Variants in TRAK1 observed in about 807,000 individuals in gnomAD.
The protein encoded by TRAK1 is trafficking kinesin protein 1.
A neutral mutation model predicts 92.1 loss-of-function variants in TRAK1; 33 were observed. The observed-to-expected ratio is 0.36, with a 90% CI of 0.27 to 0.48. The LOEUF is 0.48. TRAK1 is among the 20% of genes least tolerant of loss of function. The pLI is 0.99. For synonymous variants in TRAK1, 521 were observed against 517.3 expected, an observed-to-expected ratio of 1.01 and a Z score of -0.10; for missense variants, 1,123 against 1,257.9, an observed-to-expected ratio of 0.89 and a Z score of 1.62.
intron 1 of TRAK1, among the ~76,000 whole-genome samples, chr3:42,029,139 G>A (rs905980465): frequency 6.6e-6 from 1 of 152,104 alleles, no homozygotes; most frequent in Non-Finnish European, 1.5e-5. Flanking sequence ...CAAGGGGGAT[G>A]GTGTTAAACC....
rs397989334 is a variant in TRAK1, at chr3:42,219,786, G to GTTTT, written c.2066+214_2066+217dup. On this transcript the variant is annotated intron_variant, in intron 15 of 15. Transcript: ENST00000327628. The stretch of plus-strand genomic sequence containing the variant: ...ATCCTTCCTTTTGTTGTTGTTATGT[G>GTTTT]TTTTTTTTTTTTTTTTTTTTTTTTT... Among the ~76,000 whole-genome samples, 21 of 63,520 alleles carry GTTTT rather than the reference G, an allele frequency of 3.3e-4. 2 individuals carry two copies. The highest frequency in any genetic ancestry group is 6.8e-4 in the East Asian group (1 of 1,478). The allele number at this position is 63,520 out of a possible 152,430, so 41.7% of individuals were successfully genotyped here. A position where few individuals can be genotyped will look rare whatever the true frequency, so the allele number is the denominator to read the frequency against.
At chr3:42,082,312 A>G (rs1233627883), upstream of TRAK1, among the ~76,000 whole-genome samples, 2 of 152,118 alleles carry the variant, frequency 1.3e-5, no homozygotes, top group Non-Finnish European at 2.9e-5. Flanking sequence ...ATCTTCACAT[A>G]TTAGGGCCAG....
chr3:42,066,127 A>C (rs145628623), intron 1 of TRAK1, among the ~76,000 whole-genome samples: 4,152 of 152,180 alleles, frequency 0.027, 221 homozygotes, highest in African/African-American at 0.095. Context: ...GGAGTTCAAG[A>C]CTGGCCTGGC....
intron 2 of TRAK1, among the ~76,000 whole-genome samples, chr3:42,128,633 G>A (rs2149157116): frequency 6.6e-6 from 1 of 152,336 alleles, no homozygotes; most frequent in South Asian, 2.1e-4. Flanking sequence ...CTGAAATGCA[G>A]CATTTCCTTT....
At chr3:42,099,726 A>G (rs1204853712) in intron 1 of TRAK1, among the ~76,000 whole-genome samples, 2 of 152,180 alleles carry the variant, frequency 1.3e-5, no homozygotes, top group Non-Finnish European at 2.9e-5. Context: ...TCTTTTGTTC[A>G]GCTTTGAAAA....
intron 2 of TRAK1, among the ~76,000 whole-genome samples, chr3:42,153,963 G>A (rs530901952): frequency 6.6e-6 from 1 of 151,780 alleles, no homozygotes; most frequent in South Asian, 2.1e-4. Context: ...GTTATTAAGG[G>A]GATTAAAAAA....
intron 1 of TRAK1, among the ~76,000 whole-genome samples, chr3:42,069,970 G>A (rs1040200718): frequency 1.3e-5 from 2 of 151,858 alleles, no homozygotes; most frequent in Non-Finnish European, 2.9e-5. Context: ...TCCAGCCTCA[G>A]CCTCCCCAGT....
At chr3:42,133,551 T>G (rs892716202) in intron 2 of TRAK1, among the ~76,000 whole-genome samples, 2 of 152,194 alleles carry the variant, frequency 1.3e-5, no homozygotes, top group African/African-American at 2.4e-5. Context: ...TCAACAGAAG[T>G]GTGCTGTCCA....
rs1334151485 is a variant in TRAK1 at position 42,160,119 on chromosome 3, C to A, written c.287-16695C>A. 12 of 1,224,590 alleles carry A rather than the reference C, an allele frequency of 9.8e-6. 2 individuals carry two copies. Among genetic ancestry groups the A allele is most frequent in the Non-Finnish European group, 1.2e-5 (12 of 972,254 alleles). The allele number at this position is 1,224,590 out of a possible 1,614,324, so 75.9% of individuals were successfully genotyped here. The stretch of plus-strand genomic sequence containing the variant: ...CACCCCGCCAAGTGCTCCACCCCAC[C>A]CCGCCCCTCCTCCAGGCTCATAGGA... On this transcript the variant is annotated intron_variant, in intron 2 of 15. Coordinates refer to ENST00000327628, the MANE Select transcript of TRAK1 (RefSeq NM_001042646.3).
intron 1 of TRAK1, among the ~76,000 whole-genome samples, chr3:42,123,504 T>A (rs891341608): frequency 2.6e-5 from 4 of 152,240 alleles, no homozygotes; most frequent in Non-Finnish European, 5.9e-5. Context: ...CACCCCAGGA[T>A]CTACTCCCAC....
intron 1 of TRAK1, among the ~76,000 whole-genome samples, chr3:42,105,562 T>C (rs1016649918): frequency 1.3e-5 from 2 of 152,086 alleles, no homozygotes; most frequent in Non-Finnish European, 2.9e-5. Flanking sequence ...CTGAAAGTGA[T>C]GGGGAGAATG....
At chr3:42,097,821 G>C (rs1160006545) in intron 1 of TRAK1, among the ~76,000 whole-genome samples, 1 of 152,184 alleles carries the variant, frequency 6.6e-6, no homozygotes. Context: ...AAATTTCCCA[G>C]ACATCTGCCT....
intron 13 of TRAK1, among the ~76,000 whole-genome samples, chr3:42,207,354 C>T (rs900411061): frequency 6.6e-6 from 1 of 152,176 alleles, no homozygotes; most frequent in African/African-American, 2.4e-5. Flanking sequence ...CTGGCAGGCC[C>T]TGGACACCCA....
At chr3:42,151,406 A>G in intron 2 of TRAK1, 2 of 456,488 alleles carry the variant, frequency 4.4e-6, no homozygotes, top group South Asian at 3.1e-5. Flanking sequence ...AGGAAAATAG[A>G]AGAGGAGATG....
intron 14 of TRAK1, among the ~76,000 whole-genome samples, chr3:42,213,577 G>A (rs1463838143): frequency 1.3e-5 from 2 of 152,230 alleles, no homozygotes; most frequent in African/African-American, 2.4e-5. Flanking sequence ...GGAGCCAGGC[G>A]GAGTCAGGCC....
At chr3:42,037,974 T>C (rs932625959) in intron 1 of TRAK1, among the ~76,000 whole-genome samples, 3 of 152,160 alleles carry the variant, frequency 2.0e-5, no homozygotes, top group Admixed American at 6.5e-5. Flanking sequence ...TTTCCTGATA[T>C]GAGTTGTGTG....
At chr3:42,197,448 T>G (rs545020470) in intron 10 of TRAK1, among the ~76,000 whole-genome samples, 39 of 152,096 alleles carry the variant, frequency 2.6e-4, no homozygotes, top group East Asian at 1.9e-4. Context: ...TTATTTTTTG[T>G]TTTTTTTCCC....
At chr3:42,028,579 G>A (rs934523525) in intron 1 of TRAK1, among the ~76,000 whole-genome samples, 4 of 152,214 alleles carry the variant, frequency 2.6e-5, no homozygotes, top group African/African-American at 9.7e-5. Context: ...GAGATTGAAT[G>A]GGGATTGAGC....
chr3:42,212,208 G>A, intron 14 of TRAK1: 1 of 985,436 alleles, frequency 1.0e-6, no homozygotes, highest in Non-Finnish European at 1.2e-6. Flanking sequence ...GGAAGGCATG[G>A]GGCATCCTCT....
Sources: allele counts gnomAD v4.1 joint callset (sites outside exome capture counted in the v4.1 genomes callset), GRCh38; gene constraint gnomAD v4.1.1; transcripts MANE v1.5; gene names NCBI Gene and HGNC (gene_info 2026-07-23, HGNC 2026-07-21).